NEK11: variants seen among roughly 807,000 people sequenced by gnomAD.
The protein encoded by NEK11 is serine/threonine-protein kinase Nek11.
A neutral mutation model predicts 80.7 loss-of-function variants in NEK11; 72 were observed. That is an observed-to-expected ratio of 0.89 (90% confidence interval 0.74 to 1.08). The LOEUF (loss-of-function observed/expected upper bound fraction) is 1.08. Ranked by LOEUF, NEK11 falls within the 50% of genes least tolerant of loss-of-function variation. The pLI is 0.00. For synonymous variants in NEK11, 251 were observed against 260.7 expected (o/e 0.96, Z 0.36); for missense variants, 764 against 763.6 (o/e 1.00, Z -0.01).
chr3:131,140,080 T>TTATA (rs1188058278), intron 7 of NEK11, among the ~76,000 whole-genome samples: 1 of 152,210 alleles, frequency 6.6e-6, no homozygotes, highest in Non-Finnish European at 1.5e-5. Flanking sequence ...CATGTTCTTT[T>TTATA]TATAATGTGA....
chr3:131,339,222 C>T (rs1276688645), intron 17 of NEK11, among the ~76,000 whole-genome samples: 3 of 152,116 alleles, frequency 2.0e-5, no homozygotes, highest in Admixed American at 6.6e-5. Context: ...TGTCTATTTT[C>T]TTCTGGCTTT....
chr3:131,305,038 G>T (rs2096708325), intron 17 of NEK11, among the ~76,000 whole-genome samples: 1 of 151,830 alleles, frequency 6.6e-6, no homozygotes, highest in Non-Finnish European at 1.5e-5. Context: ...GGCAGCAGGG[G>T]AGGGATTTCC....
At chr3:131,096,257 C>T (rs1273083906) in intron 4 of NEK11, among the ~76,000 whole-genome samples, 2 of 151,800 alleles carry the variant, frequency 1.3e-5, no homozygotes, top group Non-Finnish European at 2.9e-5. Flanking sequence ...ATGTTTAGCT[C>T]CCACTTATAA....
chr3:131,320,019 C>G (rs2096881854), intron 17 of NEK11, among the ~76,000 whole-genome samples: 1 of 151,926 alleles, frequency 6.6e-6, no homozygotes, highest in Non-Finnish European at 1.5e-5. Flanking sequence ...TGTTTTTAAC[C>G]TGTAAAAATG....
Position 131,105,757 on chromosome 3 carries a change from A to T in NEK11, c.337-4046A>T, listed in dbSNP as rs2149311329. Among the ~76,000 whole-genome samples, 3 of 152,246 alleles carry T rather than the reference A, an allele frequency of 2.0e-5. 1 individual carries two copies. The South Asian group carries it at 6.2e-4, about 32-fold the overall frequency. On this transcript the variant is annotated intron_variant, in intron 4 of 17. Coordinates refer to ENST00000383366, the MANE Select transcript of NEK11 (RefSeq NM_024800.5). ...CTGGTCCCGCCCTTGACATGTGGAG[A>T]TTATGGGGATTACAATTCAAGATGA... is the stretch of plus-strand genomic sequence containing the variant.
At chr3:131,245,353 G>A (rs993789762) in intron 16 of NEK11, among the ~76,000 whole-genome samples, 6 of 148,632 alleles carry the variant, frequency 4.0e-5, no homozygotes, top group Admixed American at 6.7e-5. Context: ...GTCCTTTGAC[G>A]GACACTTAGG....
intron 17 of NEK11, among the ~76,000 whole-genome samples, chr3:131,324,426 T>C (rs1224606594): frequency 1.3e-5 from 2 of 152,234 alleles, no homozygotes; most frequent in African/African-American, 4.8e-5. Context: ...TTCTTCCAAC[T>C]TTATGCTCTA....
Position 131,029,667 on chromosome 3 carries a change from G to A in NEK11, c.-42G>A, listed in dbSNP as rs199534398. On this transcript the variant is annotated 5_prime_UTR_variant, in exon 3 of 18. Transcript: ENST00000383366. ...ATTTCTTAGGAGACTGGAATGTTAA[G>A]TTTCTATAAATGAATGAACCAGTTC... The A allele has an allele frequency of 6.3e-7, 1 of 1,588,856 alleles. No individual in the cohort carries two copies. Among genetic ancestry groups the A allele is most frequent in the South Asian group, 1.1e-5 (1 of 89,352 alleles).
chr3:131,343,448 T>G (rs2097315352), intron 17 of NEK11, among the ~76,000 whole-genome samples: 1 of 152,122 alleles, frequency 6.6e-6, no homozygotes, highest in Admixed American at 6.5e-5. Flanking sequence ...AATGTTTATG[T>G]GATTGTTTTG....
At chr3:131,119,239 T>C (rs2081926467) in intron 5 of NEK11, among the ~76,000 whole-genome samples, 1 of 152,254 alleles carries the variant, frequency 6.6e-6, no homozygotes, top group Non-Finnish European at 1.5e-5. Flanking sequence ...GCAGTAGTCA[T>C]TCAAGAGCAG....
In NEK11 at chr3:131,080,568, A is replaced by G; in HGVS notation, c.316A>G (p.Ile106Val). Residue 106 changes from isoleucine to valine, a missense_variant, in exon 4 of 18, where the codon ATT (isoleucine) becomes GTT (valine). Ile to Val is a conservative substitution (Grantham distance 29). Coordinates refer to ENST00000383366, the MANE Select transcript of NEK11 (RefSeq NM_024800.5). ...TTTTGTGGAGCAAGATAATTTCTGCATTATCACGGAGTACTGTGAGGTGAG... is the reference window on the plus strand; with the variant it reads ...TTTTGTGGAGCAAGATAATTTCTGCGTTATCACGGAGTACTGTGAGGTGAG... ...ASFVEQDNFCIITEYCEGRDL... is the reference protein window; with the variant it reads ...ASFVEQDNFCVITEYCEGRDL... 1 of 1,612,972 alleles carries G rather than the reference A, an allele frequency of 6.2e-7. No homozygotes were observed. The highest frequency in any genetic ancestry group is 8.5e-7 in the Non-Finnish European group (1 of 1,179,736).
Position 131,258,085 on chromosome 3 carries a change from A to G in NEK11, c.1621+14589A>G, listed in dbSNP as rs576020494. ...ACTCAGGAATGGAAAACCAAACATC[A>G]TATGTTCTCACTTATAAGTGGGAGC... On this transcript the variant is annotated intron_variant, in intron 16 of 17. Coordinates refer to ENST00000383366, the MANE Select transcript of NEK11 (RefSeq NM_024800.5). Among the ~76,000 whole-genome samples the G allele has an allele frequency of 2.9e-3, 440 of 151,372 alleles. 2 individuals carry two copies. Among genetic ancestry groups the G allele is most frequent in the Non-Finnish European group, 5.1e-3 (344 of 67,852 alleles).
chr3:131,092,760 A>G (rs766262937), intron 4 of NEK11: 8 of 152,212 alleles, frequency 5.3e-5, no homozygotes, highest in Admixed American at 1.3e-4. Context: ...CCATTCTACA[A>G]AAGATGCCCA....
intron 14 of NEK11, among the ~76,000 whole-genome samples, chr3:131,219,689 C>T (rs2094956907): frequency 6.6e-6 from 1 of 152,130 alleles, no homozygotes; most frequent in African/African-American, 2.4e-5. Context: ...ACCCTGCTGG[C>T]CCCTTAATCT....
intron 11 of NEK11, among the ~76,000 whole-genome samples, chr3:131,164,093 A>T (rs925137657): frequency 6.6e-6 from 1 of 152,224 alleles, no homozygotes; most frequent in Non-Finnish European, 1.5e-5. Flanking sequence ...TGATAAGCCA[A>T]GTAAGAATCT....
intron 5 of NEK11, among the ~76,000 whole-genome samples, chr3:131,130,963 A>C (rs2084339533): frequency 6.6e-6 from 1 of 151,994 alleles, no homozygotes; most frequent in African/African-American, 2.4e-5. Context: ...CACCATGCCC[A>C]GCTAACTTTT....
chr3:131,130,799 G>GAT (rs1012337009), intron 5 of NEK11, among the ~76,000 whole-genome samples: 43 of 152,064 alleles, frequency 2.8e-4, no homozygotes, highest in African/African-American at 9.9e-4. Context: ...CACAATGTTG[G>GAT]ATATATATAT....
intron 17 of NEK11, among the ~76,000 whole-genome samples, chr3:131,286,774 G>A (rs746438199): frequency 1.2e-4 from 18 of 152,244 alleles, no homozygotes; most frequent in Non-Finnish European, 2.1e-4. Flanking sequence ...TCAGAAAGGA[G>A]GCAAGTTTAC....
At chr3:131,209,859 T>C (rs1466781749) in intron 14 of NEK11, among the ~76,000 whole-genome samples, 1 of 152,212 alleles carries the variant, frequency 6.6e-6, no homozygotes, top group Non-Finnish European at 1.5e-5. Flanking sequence ...ATTGTGTCTA[T>C]TTGATTCTTC....
Sources: allele counts gnomAD v4.1 joint callset (sites outside exome capture counted in the v4.1 genomes callset), GRCh38; gene constraint gnomAD v4.1.1; transcripts MANE v1.5; gene names NCBI Gene and HGNC (gene_info 2026-07-23, HGNC 2026-07-21).